The following CCNB1 variants were observed in gnomAD, a reference collection of about 807,000 sequenced individuals.
The protein encoded by CCNB1 is G2/mitotic-specific cyclin-B1.
Under a neutral mutation model 44.4 loss-of-function variants are expected in CCNB1, and 26 were observed. That is an observed-to-expected ratio of 0.59 (90% CI 0.43 to 0.81). The LOEUF is 0.81. Among genes scored for constraint, CCNB1 ranks in the 40% least tolerant of loss-of-function variants. The pLI, the probability that CCNB1 is intolerant of heterozygous loss-of-function variation, is 0.00. For missense variants in CCNB1, 477 were observed against 520.9 expected (o/e 0.92, Z 0.82); for synonymous variants, 195 against 181.4 (o/e 1.08, Z -0.60).
chr5:69,167,726 G>C (rs1455484835), intron 1 of CCNB1, among the ~76,000 whole-genome samples, 182 bp from the exon 2 acceptor site: 1 of 152,142 alleles, frequency 6.6e-6, no homozygotes, highest in African/African-American at 2.4e-5. Flanking sequence ...GGTAAATGTA[G>C]AGGTCGGCGG....
At chr5:69,175,980 AAAATATATAT>A (rs1491229705) in intron 7 of CCNB1, among the ~76,000 whole-genome samples, 1 of 79,194 alleles carries the variant, frequency 1.3e-5, no homozygotes, top group African/African-American at 6.1e-5. Context: ...AAAAATATAT[AAAATATATAT>A]ATATATATAT....
intron 3 of CCNB1, among the ~76,000 whole-genome samples, chr5:69,170,587 A>G (rs569867176): frequency 6.6e-6 from 1 of 152,270 alleles, no homozygotes; most frequent in South Asian, 2.1e-4. Context: ...CTTTGCAGCA[A>G]AGTCTAGAAT....
intron 3 of CCNB1, among the ~76,000 whole-genome samples, chr5:69,169,735 C>G (rs1747417099): frequency 6.6e-6 from 1 of 152,126 alleles, no homozygotes; most frequent in Non-Finnish European, 1.5e-5. Context: ...TCACCACAAC[C>G]TCTGCCTCCC....
rs773238269 is a variant in CCNB1 at position 69,177,549 on chromosome 5, C to T, written c.1220C>T (p.Ser407Leu). 3.7e-6 allele frequency: 6 copies of T among 1,612,270 alleles called. No individual in the cohort carries two copies. The East Asian group carries it at 6.7e-5, about 18-fold the overall frequency. The change falls in exon 9 of 9, where the codon TCG (serine) becomes TTG (leucine). Residue 407 changes from serine (S) to leucine (L), a missense_variant. Physicochemically the swap from Ser to Leu is moderately radical, Grantham distance 145 (BLOSUM62 -2). Transcript: ENST00000256442. The stretch of plus-strand genomic sequence containing the variant: ...ACTGTCAAGAACAAGTATGCCACAT[C>T]GAAGCATGCTAAGATCAGCACTCTA... ...HMTVKNKYAT[S>L]KHAKISTLPQ...
chr5:69,175,442 A>G lies in CCNB1; in HGVS notation c.988A>G (p.Thr330Ala). The G allele has an allele frequency of 3.1e-6, 5 of 1,613,974 alleles. No individual in the cohort carries two copies. Among genetic ancestry groups the G allele is most frequent in the Non-Finnish European group, 4.2e-6 (5 of 1,179,866 alleles). ...TTTGGCCAAATACCTGATGGAACTA[A>G]CTATGTTGGACTATGACATGGTGCA... ...HTLAKYLMEL[T>A]MLDYDMVHFP... The change falls in exon 7 of 9, where the codon ACT becomes GCT. Residue 330 changes from threonine to alanine, a missense_variant. Physicochemically the swap from Thr to Ala is moderately conservative, Grantham distance 58. Coordinates refer to ENST00000256442, the MANE Select transcript of CCNB1 (RefSeq NM_031966.4).
At position 69,167,262 on chromosome 5, in the gene CCNB1, C is replaced by T. The variant is rs763632745; in HGVS notation, c.-1C>T. On this transcript the variant is annotated 5_prime_UTR_variant, in exon 1 of 9. Transcript: ENST00000256442. ...AGCTGCTGCCTGGTGAAGAGGAAGC[C>T]ATGGCGCTCCGAGTCACCAGGGTGA... 6.4e-6 allele frequency: 10 copies of T among 1,571,440 alleles called. No homozygotes were observed. The highest frequency in any genetic ancestry group is 8.6e-6 in the Non-Finnish European group (10 of 1,160,692).
In CCNB1 at chr5:69,177,309, A is replaced by G; in HGVS notation, c.1154A>G (p.Lys385Arg). 3 of 1,613,042 alleles carry G rather than the reference A, an allele frequency of 1.9e-6. No individual in the cohort carries two copies. Among genetic ancestry groups the G allele is most frequent in the Non-Finnish European group, 2.5e-6 (3 of 1,178,986 alleles). Reference protein sequence around the residue: ...SLLPVMQHLAKNVVMVNQGLT... With the variant: ...SLLPVMQHLARNVVMVNQGLT... ...CTTCCAGTTATGCAGCACCTGGCTA[A>G]GAATGTAGTCATGGTAAATCAAGGA... The change falls in exon 8 of 9, where the codon AAG becomes AGG. Residue 385 changes from lysine (K) to arginine (R), a missense_variant. Physicochemically the swap from Lys to Arg is conservative, Grantham distance 26. Transcript: ENST00000256442.
intron 4 of CCNB1, among the ~76,000 whole-genome samples, chr5:69,172,100 T>G (rs758459997): frequency 3.2e-4 from 49 of 152,168 alleles, no homozygotes; most frequent in Non-Finnish European, 4.7e-4. Flanking sequence ...TTTTTTGAGA[T>G]GGAGTCTCAC....
intron 2 of CCNB1, 32 bp downstream of exon 2, chr5:69,168,110 A>G: frequency 6.2e-7 from 1 of 1,611,270 alleles, no homozygotes; most frequent in Non-Finnish European, 8.5e-7. Context: ...CTTCTGTAAG[A>G]GCCCGCCTTC....
intron 4 of CCNB1, among the ~76,000 whole-genome samples, chr5:69,173,621 T>C (rs921104236): frequency 6.6e-6 from 1 of 152,190 alleles, no homozygotes; most frequent in African/African-American, 2.4e-5. Flanking sequence ...GTTCTAAGTT[T>C]AGAGGCTTAA....
At chr5:69,174,176 C>G (rs1747526226) in intron 4 of CCNB1, 75 bp from the exon 5 acceptor site, 1 of 1,335,072 alleles carries the variant, frequency 7.5e-7, no homozygotes, top group East Asian at 2.3e-5. Flanking sequence ...ACTGTAGGAA[C>G]TAACTGATCT....
At chr5:69,171,227 G>A (rs778292780) in intron 3 of CCNB1, 43 bp from the exon 4 acceptor site, 1 of 1,503,632 alleles carries the variant, frequency 6.7e-7, no homozygotes. Flanking sequence ...AAACTATAGT[G>A]CTTACTTCTA....
intron 4 of CCNB1, among the ~76,000 whole-genome samples, chr5:69,172,774 T>TC (rs1747492854): frequency 6.9e-6 from 1 of 145,358 alleles, no homozygotes; most frequent in African/African-American, 2.5e-5. Context: ...TGTTTCTTTT[T>TC]TTTTTTTTTT....
intron 3 of CCNB1, among the ~76,000 whole-genome samples, chr5:69,170,194 G>A (rs1447685132): frequency 6.6e-6 from 1 of 151,412 alleles, no homozygotes; most frequent in African/African-American, 2.4e-5. Flanking sequence ...TGTTGGCCAG[G>A]CTGGTCTCGA....
intron 7 of CCNB1, among the ~76,000 whole-genome samples, chr5:69,176,346 C>G (rs1378332143): frequency 6.6e-6 from 1 of 151,676 alleles, no homozygotes. Context: ...ATGTGACAGG[C>G]ACTACCCTAG....
intron 4 of CCNB1, among the ~76,000 whole-genome samples, chr5:69,171,808 T>G (rs954090514): frequency 1.3e-5 from 2 of 152,188 alleles, no homozygotes; most frequent in African/African-American, 4.8e-5. Context: ...GATGAGGATG[T>G]AGAATATACT....
chr5:69,174,155 G>A, intron 4 of CCNB1, 96 bp from the exon 5 acceptor site: 1 of 947,194 alleles, frequency 1.1e-6, no homozygotes, highest in Non-Finnish European at 1.6e-6. Context: ...GATTATAAAT[G>A]CCCCAGTGCT....
rs747630808 is a variant in CCNB1 at position 69,167,917 on chromosome 5, A to T, written c.31A>T (p.Ile11Phe). The change falls in exon 2 of 9, where the codon ATT becomes TTT. Residue 11 changes from isoleucine to phenylalanine, a missense_variant. Coordinates refer to ENST00000256442, the MANE Select transcript of CCNB1 (RefSeq NM_031966.4). MALRVTRNSK[I>F]NAENKAKINM... ...GTCTTGCTTCTTTCAGAACTCGAAA[A>T]TTAATGCTGAAAATAAGGCGAAGAT... is the stretch of plus-strand genomic sequence containing the variant. 5.3e-5 allele frequency: 86 copies of T among 1,608,404 alleles called. No homozygotes were observed. Among genetic ancestry groups the T allele is most frequent in the Middle Eastern group, 5.0e-4 (3 of 6,054 alleles).
At chr5:69,172,967 G>A (rs773498560) in intron 4 of CCNB1, among the ~76,000 whole-genome samples, 4 of 151,636 alleles carry the variant, frequency 2.6e-5, no homozygotes, top group Admixed American at 1.3e-4. Flanking sequence ...TAGAGACGGG[G>A]TTTCACCGTG....
Sources: gnomAD v4.1 joint callset for allele counts (sites outside exome capture counted in the v4.1 genomes callset) on GRCh38, gnomAD v4.1.1 for gene constraint, MANE v1.5 for transcripts, NCBI Gene and HGNC (gene_info 2026-07-23, HGNC 2026-07-21) for gene names.